Variants in KANSL1 observed in about 807,000 individuals in gnomAD.
KANSL1 encodes the protein MLL1/MLL complex subunit KANSL1.
A neutral mutation model predicts 103.6 loss-of-function variants in KANSL1; 22 were observed. The ratio of observed to expected loss-of-function variants is 0.21; its 90% CI spans 0.15 to 0.30. KANSL1 has a LOEUF of 0.30. Ranked by LOEUF, KANSL1 falls within the 10% of genes least tolerant of loss-of-function variation. The pLI is 1.00. For synonymous variants in KANSL1, 600 were observed against 527.6 expected, an observed-to-expected ratio of 1.14 and a Z score of -1.88; for missense variants, 1,337 against 1,399.8, an observed-to-expected ratio of 0.96 and a Z score of 0.72.
chr17:46,184,635 C>T (rs1250663917), intron 1 of KANSL1, among the ~76,000 whole-genome samples: 2 of 152,164 alleles, frequency 1.3e-5, no homozygotes, highest in African/African-American at 4.8e-5. Context: ...CTCTTCTATG[C>T]CCCTGCACCT....
chr17:46,091,246 T>C (rs1229497654), intron 3 of KANSL1, among the ~76,000 whole-genome samples: 1 of 152,222 alleles, frequency 6.6e-6, no homozygotes, highest in Admixed American at 6.5e-5. Flanking sequence ...AATGGAAAGT[T>C]TTAAAGATAG....
chr17:46,085,892 T>C (rs1324576490), intron 3 of KANSL1, among the ~76,000 whole-genome samples: 2 of 152,218 alleles, frequency 1.3e-5, no homozygotes, highest in East Asian at 3.8e-4. Flanking sequence ...CCTCTCAAAG[T>C]GCTGGGATTA....
chr17:46,049,827 C>T (rs2077648540), intron 7 of KANSL1: 1 of 152,248 alleles, frequency 6.6e-6, no homozygotes, highest in African/African-American at 2.4e-5. Context: ...CCCTGCAAAG[C>T]TGTCGCGTTA....
chr17:46,116,098 T>G (rs959168820), intron 2 of KANSL1, among the ~76,000 whole-genome samples: 6 of 152,252 alleles, frequency 3.9e-5, no homozygotes, highest in African/African-American at 1.4e-4. Flanking sequence ...CTGAAAAACT[T>G]ACGACAGAGT....
chr17:46,196,283 ACT>A, upstream of KANSL1: 1 of 445,634 alleles, frequency 2.2e-6, no homozygotes, highest in Non-Finnish European at 4.5e-6. Flanking sequence ...ATTTCAAATC[ACT>A]CTTGGAATAG....
At chr17:46,184,597 G>A (rs1052678977) in intron 1 of KANSL1, among the ~76,000 whole-genome samples, 7 of 152,236 alleles carry the variant, frequency 4.6e-5, no homozygotes, top group Non-Finnish European at 8.8e-5. Context: ...TGTCCTCACT[G>A]CAGCCACCTG....
intron 4 of KANSL1, among the ~76,000 whole-genome samples, chr17:46,079,130 C>T (rs754636394): frequency 1.1e-4 from 17 of 152,198 alleles, no homozygotes; most frequent in Non-Finnish European, 1.8e-4. Flanking sequence ...ACTTCCCTAA[C>T]CCAGAAAATA....
intron 2 of KANSL1, among the ~76,000 whole-genome samples, chr17:46,110,205 G>T (rs1327040887): frequency 1.3e-5 from 2 of 152,230 alleles, no homozygotes; most frequent in Non-Finnish European, 2.9e-5. Context: ...TAAAGGCTTA[G>T]ATTTTTAACT....
At chr17:46,130,126 G>T (rs1033999959) in intron 2 of KANSL1, among the ~76,000 whole-genome samples, 1 of 148,684 alleles carries the variant, frequency 6.7e-6, no homozygotes, top group Non-Finnish European at 1.5e-5. Context: ...GGTAGAGGGT[G>T]CAGTGAGCTG....
At chr17:46,195,673 C>T (rs1417958519), upstream of KANSL1, among the ~76,000 whole-genome samples, 1 of 152,214 alleles carries the variant, frequency 6.6e-6, no homozygotes, top group Non-Finnish European at 1.5e-5. Flanking sequence ...CTACCTCAGC[C>T]TCTTGAGTAG....
At chr17:46,059,867 T>C (rs948425039) in intron 6 of KANSL1, among the ~76,000 whole-genome samples, 1 of 151,900 alleles carries the variant, frequency 6.6e-6, no homozygotes, top group African/African-American at 2.4e-5. Context: ...GCTGGCTTTT[T>C]TATTTTTGAG....
In KANSL1 at chr17:46,065,592, G is replaced by A. The variant is rs766166218; in HGVS notation, c.1848+945C>T. Among the ~76,000 whole-genome samples, 74 of 152,232 alleles carry A rather than the reference G, an allele frequency of 4.9e-4. No individual in the cohort carries two copies. In the Middle Eastern group the frequency reaches 0.01, roughly 21 times the overall value. Reference sequence around the variant, plus strand: ...GATCTCTGAGGCTTTGGAGAGGAGTGGAAGTCAGGGTGGTTAACATGCACC... The same window carrying A: ...GATCTCTGAGGCTTTGGAGAGGAGTAGAAGTCAGGGTGGTTAACATGCACC... On this transcript the variant is annotated intron_variant, in intron 6 of 14. Transcript: ENST00000432791.
intron 1 of KANSL1, among the ~76,000 whole-genome samples, chr17:46,211,727 G>A (rs1339119796): frequency 2.6e-5 from 4 of 152,218 alleles, no homozygotes; most frequent in South Asian, 2.1e-4. Context: ...ATCAGAAAAC[G>A]TATCAATATG....
At chr17:46,164,942 T>TA (rs1221792227) in intron 2 of KANSL1, among the ~76,000 whole-genome samples, 1 of 152,120 alleles carries the variant, frequency 6.6e-6, no homozygotes, top group Non-Finnish European at 1.5e-5. Context: ...TATGAAATGA[T>TA]AAAGAGTAGA....
chr17:46,208,047 G>T (rs1356345006), intron 1 of KANSL1, among the ~76,000 whole-genome samples: 1 of 151,660 alleles, frequency 6.6e-6, no homozygotes, highest in Non-Finnish European at 1.5e-5. Context: ...GGAGGCGGAG[G>T]TTACAGTGAG....
intron 4 of KANSL1, among the ~76,000 whole-genome samples, chr17:46,075,748 G>A (rs2078743484): frequency 6.6e-6 from 1 of 152,190 alleles, no homozygotes; most frequent in Non-Finnish European, 1.5e-5. Context: ...ACTCACTTAA[G>A]ATAAATATAG....
chr17:46,094,472 TG>T, intron 3 of KANSL1, 87 bp downstream of exon 3: 1 of 1,428,664 alleles, frequency 7.0e-7, no homozygotes, highest in Non-Finnish European at 9.6e-7. Flanking sequence ...AAGAGGGTTA[TG>T]GGGGTTACGA....
At chr17:46,052,814 A>T (rs988411476) in intron 6 of KANSL1, among the ~76,000 whole-genome samples, 2 of 142,300 alleles carry the variant, frequency 1.4e-5, no homozygotes, top group African/African-American at 2.5e-5. Flanking sequence ...AAAAAAAAAA[A>T]TTTAGCCCAG....
intron 1 of KANSL1, among the ~76,000 whole-genome samples, chr17:46,187,695 T>C (rs1051920779): frequency 1.3e-5 from 2 of 152,268 alleles, no homozygotes; most frequent in African/African-American, 4.8e-5. Flanking sequence ...TTGCAGAAAG[T>C]AACATTTATT....
Sources: gnomAD v4.1 joint callset for allele counts (sites outside exome capture counted in the v4.1 genomes callset) on GRCh38, gnomAD v4.1.1 for gene constraint, MANE v1.5 for transcripts, NCBI Gene and HGNC (gene_info 2026-07-23, HGNC 2026-07-21) for gene names.